Variants in DIP2C observed in about 807,000 individuals in gnomAD.
DIP2C encodes DIP2 acetate--CoA ligase C (putative).
DIP2C carries 33 observed loss-of-function variants against 192.4 expected under a neutral mutation model. That is an observed-to-expected ratio of 0.17 (90% confidence interval 0.13 to 0.23). DIP2C has a LOEUF of 0.23. Ranked by LOEUF, DIP2C falls within the 10% of genes least tolerant of loss-of-function variation. DIP2C has a pLI of 1.00. For missense variants in DIP2C, 1,537 were observed against 2,110.1 expected, an observed-to-expected ratio of 0.73 and a Z score of 5.32; for synonymous variants, 979 against 864.1, an observed-to-expected ratio of 1.13 and a Z score of -2.33.
chr10:532,859 G>A (rs977810678), intron 1 of DIP2C, among the ~76,000 whole-genome samples: 7 of 152,064 alleles, frequency 4.6e-5, no homozygotes, highest in African/African-American at 7.2e-5. Context: ...GTGCTATCAC[G>A]GTTCAACTGC....
chr10:673,720 C>T (rs924420276), intron 1 of DIP2C, among the ~76,000 whole-genome samples: 1 of 152,204 alleles, frequency 6.6e-6, no homozygotes, highest in Admixed American at 6.5e-5. Flanking sequence ...TTGACTTACA[C>T]ACTTCCCAGA....
intron 31 of DIP2C, among the ~76,000 whole-genome samples, chr10:312,273 C>T (rs548415215): frequency 3.3e-5 from 5 of 152,320 alleles, no homozygotes; most frequent in South Asian, 2.1e-4. Context: ...AATAATCTAC[C>T]CCAGCTGCTG....
At chr10:449,795 AAAAG>A (rs1201200037) in intron 3 of DIP2C, among the ~76,000 whole-genome samples, 79 of 140,576 alleles carry the variant, frequency 5.6e-4, no homozygotes, top group African/African-American at 2.3e-3. Context: ...AAAAAAAAAA[AAAAG>A]AAGTAAACAC....
intron 3 of DIP2C, among the ~76,000 whole-genome samples, chr10:450,263 G>A (rs1968746895): frequency 6.6e-6 from 1 of 151,654 alleles, no homozygotes; most frequent in African/African-American, 2.4e-5. Context: ...ATGGTCCCGT[G>A]TTGCATTTGA....
chr10:549,503 C>T (rs529371099), intron 1 of DIP2C, among the ~76,000 whole-genome samples: 39 of 152,274 alleles, frequency 2.6e-4, no homozygotes, highest in African/African-American at 8.9e-4. Flanking sequence ...CCCAAAACCA[C>T]GCAGAAGTGA....
At chr10:581,481 G>C (rs1001179885) in intron 1 of DIP2C, among the ~76,000 whole-genome samples, 6 of 152,128 alleles carry the variant, frequency 3.9e-5, no homozygotes, top group African/African-American at 1.4e-4. Context: ...AGTTATATTT[G>C]AAGATTTTTA....
chr10:628,453 A>G (rs956849882), intron 1 of DIP2C, among the ~76,000 whole-genome samples: 1 of 152,250 alleles, frequency 6.6e-6, no homozygotes, highest in African/African-American at 2.4e-5. Flanking sequence ...AATCAACCCA[A>G]GACCTCTGTT....
intron 1 of DIP2C, among the ~76,000 whole-genome samples, chr10:603,544 G>A (rs1056662489): frequency 4.6e-5 from 7 of 152,024 alleles, no homozygotes; most frequent in East Asian, 1.9e-4. Flanking sequence ...TACTGTGATC[G>A]AAATCTAACT....
intron 28 of DIP2C, among the ~76,000 whole-genome samples, chr10:341,872 G>C (rs1277138952): frequency 2.6e-5 from 4 of 152,142 alleles, no homozygotes; most frequent in Non-Finnish European, 5.9e-5. Flanking sequence ...GTGAGACCCT[G>C]TCTCTTCAAT....
At chr10:572,558 ATT>A (rs1428652143) in intron 1 of DIP2C, among the ~76,000 whole-genome samples, 1 of 152,162 alleles carries the variant, frequency 6.6e-6, no homozygotes, top group Non-Finnish European at 1.5e-5. Context: ...GTTTTCTATT[ATT>A]TGTCACTTTT....
intron 22 of DIP2C, among the ~76,000 whole-genome samples, chr10:360,483 C>G (rs1165679088): frequency 6.6e-6 from 1 of 152,182 alleles, no homozygotes; most frequent in East Asian, 1.9e-4. Context: ...CTGGTATTAT[C>G]AAATATCCTA....
At chr10:623,140 C>T (rs749842796) in intron 1 of DIP2C, among the ~76,000 whole-genome samples, 4 of 152,116 alleles carry the variant, frequency 2.6e-5, no homozygotes, top group African/African-American at 7.2e-5. Context: ...ACGGAGCACG[C>T]GTGTGAAGAT....
intron 3 of DIP2C, among the ~76,000 whole-genome samples, chr10:462,446 C>T (rs1969866799): frequency 2.0e-5 from 3 of 152,160 alleles, no homozygotes; most frequent in Admixed American, 2.0e-4. Context: ...AATTCCAGGA[C>T]ACATACACCC....
intron 1 of DIP2C, among the ~76,000 whole-genome samples, chr10:566,540 AAC>A (rs1206301494): frequency 1.3e-5 from 2 of 152,234 alleles, no homozygotes; most frequent in Non-Finnish European, 2.9e-5. Flanking sequence ...TTCAGATAGC[AAC>A]ACAGATGCTG....
chr10:642,732 T>C (rs888721613), intron 1 of DIP2C, among the ~76,000 whole-genome samples: 2 of 152,210 alleles, frequency 1.3e-5, no homozygotes, highest in Non-Finnish European at 2.9e-5. Context: ...AGCTCCACTC[T>C]CACACTTACT....
At chr10:387,709 T>A (rs776030676) in intron 14 of DIP2C, 36 bp downstream of exon 14, 1 of 1,612,120 alleles carries the variant, frequency 6.2e-7, no homozygotes, top group Non-Finnish European at 8.5e-7. Context: ...GGGGGACTCC[T>A]TTGTGGACAG....
At chr10:679,384 C>G (rs1831026249) in intron 1 of DIP2C, among the ~76,000 whole-genome samples, 1 of 62,794 alleles carries the variant, frequency 1.6e-5, no homozygotes, top group Non-Finnish European at 3.4e-5. Flanking sequence ...CCGCATCCGT[C>G]CTCCCCGCGC....
At chr10:529,628 G>A (rs186610301) in intron 1 of DIP2C, among the ~76,000 whole-genome samples, 2 of 152,172 alleles carry the variant, frequency 1.3e-5, no homozygotes, top group South Asian at 2.1e-4. Flanking sequence ...CGATCAGGGT[G>A]GGAGGGCAGC....
chr10:285,413 A>T (rs1257876735), intron 34 of DIP2C, among the ~76,000 whole-genome samples: 2 of 152,162 alleles, frequency 1.3e-5, no homozygotes, highest in Non-Finnish European at 2.9e-5. Flanking sequence ...ACAGGTGATA[A>T]GGGGAGTGAG....
Sources: gnomAD v4.1 joint callset for allele counts (sites outside exome capture counted in the v4.1 genomes callset) on GRCh38, gnomAD v4.1.1 for gene constraint, MANE v1.5 for transcripts, NCBI Gene and HGNC (gene_info 2026-07-23, HGNC 2026-07-21) for gene names.